Variants in EML6 observed in about 807,000 individuals in gnomAD.
EML6 encodes the protein echinoderm microtubule-associated protein-like 6.
In EML6, 154 loss-of-function variants were observed where a neutral mutation model predicts 240.1. The observed-to-expected ratio is 0.64, with a 90% CI of 0.56 to 0.73. The LOEUF (loss-of-function observed/expected upper bound fraction) is 0.73. Among genes scored for constraint, EML6 ranks in the 30% least tolerant of loss-of-function variants. The pLI is 0.00. For missense variants in EML6, 2,964 were observed against 2,474.6 expected, an observed-to-expected ratio of 1.20 and a Z score of -4.20; for synonymous variants, 1,148 against 899.0, an observed-to-expected ratio of 1.28 and a Z score of -4.95.
At chr2:54,803,858 C>A (rs73935224) in intron 2 of EML6, among the ~76,000 whole-genome samples, 1 of 152,206 alleles carries the variant, frequency 6.6e-6, no homozygotes, top group African/African-American at 2.4e-5. Flanking sequence ...TCACCTCTCC[C>A]TGTGGTGCTG....
intron 28 of EML6, among the ~76,000 whole-genome samples, chr2:54,945,728 G>T (rs1558713681): frequency 6.6e-6 from 1 of 152,244 alleles, no homozygotes; most frequent in Non-Finnish European, 1.5e-5. Context: ...GCCTTGGGGA[G>T]GGGGAAAGGA....
intron 28 of EML6, among the ~76,000 whole-genome samples, chr2:54,940,683 C>T (rs6749322): frequency 0.15 from 23,151 of 152,200 alleles, 2,469 homozygotes; most frequent in African/African-American, 0.29. Flanking sequence ...GGTCAGCGAC[C>T]ACTTTTACCT....
At position 54,971,161 on chromosome 2, in the gene EML6, A is replaced by G. The variant is rs961299767; in HGVS notation, c.*1066A>G. On this transcript the variant is annotated 3_prime_UTR_variant, in exon 42 of 42. Coordinates refer to ENST00000356458, the MANE Select transcript of EML6 (RefSeq NM_001039753.4). ...GGCGAACTATATAGGTCAAGTCCAG[A>G]TTATAAAAAAATTATCTGCAGAACA... The G allele has an allele frequency of 6.6e-6, 1 of 152,246 alleles. No individual in the cohort carries two copies. The highest frequency in any genetic ancestry group is 1.5e-5 in the Non-Finnish European group (1 of 68,042). The allele number at this position is 152,246 out of a possible 1,614,324, so 9.4% of individuals were successfully genotyped here.
chr2:54,862,152 C>T (rs1305019482), intron 12 of EML6, among the ~76,000 whole-genome samples: 1 of 151,630 alleles, frequency 6.6e-6, no homozygotes, highest in Non-Finnish European at 1.5e-5. Flanking sequence ...GCCTGGCCAA[C>T]ATGGTGAAAC....
intron 14 of EML6, chr2:54,868,909 C>T: frequency 2.5e-6 from 1 of 394,468 alleles, no homozygotes; most frequent in Non-Finnish European, 4.6e-6. Context: ...GATGTGTTCT[C>T]AGATGATCGT....
At chr2:54,846,923 ATT>A in intron 8 of EML6, among the ~76,000 whole-genome samples, 1 of 129,924 alleles carries the variant, frequency 7.7e-6, no homozygotes, top group South Asian at 2.8e-4. Context: ...ATGAAGTAGT[ATT>A]TTTTTTTTTT....
intron 16 of EML6, among the ~76,000 whole-genome samples, chr2:54,873,107 C>T (rs945631734): frequency 6.6e-6 from 1 of 152,200 alleles, no homozygotes; most frequent in African/African-American, 2.4e-5. Flanking sequence ...CTTTGTCTTG[C>T]CTTTCCCTAT....
In EML6 at chr2:54,914,608, A is replaced by G. The variant is rs1169723258; in HGVS notation, c.3499-2151A>G. On this transcript the variant is annotated intron_variant, in intron 25 of 41. Coordinates refer to ENST00000356458, the MANE Select transcript of EML6 (RefSeq NM_001039753.4). ...CTGTGGTGCACATTTGTTACTCCAG[A>G]GGCTGATTCCTGATGATGTTGGTTG... 6.6e-5 allele frequency among the ~76,000 whole-genome samples: 10 copies of G among 152,292 alleles called. 1 individual carries two copies. The East Asian group carries it at 1.9e-3, about 29-fold the overall frequency.
intron 2 of EML6, among the ~76,000 whole-genome samples, chr2:54,802,657 C>CTAG (rs1553381887): frequency 7.3e-4 from 109 of 148,762 alleles, no homozygotes; most frequent in African/African-American, 2.8e-3. Context: ...ACTACTACTA[C>CTAG]TACTACTACT....
intron 26 of EML6, among the ~76,000 whole-genome samples, chr2:54,923,774 A>T (rs1312855594): frequency 6.6e-6 from 1 of 152,174 alleles, no homozygotes; most frequent in Admixed American, 6.5e-5. Flanking sequence ...CTGCTTCCTC[A>T]TACTCCTTCT....
chr2:54,818,320 C>G (rs1478857590), intron 4 of EML6, among the ~76,000 whole-genome samples: 1 of 152,156 alleles, frequency 6.6e-6, no homozygotes, highest in Non-Finnish European at 1.5e-5. Flanking sequence ...TGGTAAGTCT[C>G]TACAAAATCA....
intron 28 of EML6, among the ~76,000 whole-genome samples, chr2:54,933,061 GTTC>G (rs916538589): frequency 6.6e-6 from 1 of 152,034 alleles, no homozygotes; most frequent in Non-Finnish European, 1.5e-5. Flanking sequence ...TCATATCTCA[GTTC>G]TTCTTCCTCT....
At chr2:54,815,460 C>A (rs552417420) in intron 3 of EML6, among the ~76,000 whole-genome samples, 55 of 152,298 alleles carry the variant, frequency 3.6e-4, no homozygotes, top group Non-Finnish European at 6.2e-4. Context: ...TGGGAACTGT[C>A]ACTACAGATG....
At chr2:54,791,631 C>T (rs1011392104) in intron 2 of EML6, among the ~76,000 whole-genome samples, 2 of 152,174 alleles carry the variant, frequency 1.3e-5, no homozygotes, top group African/African-American at 4.8e-5. Flanking sequence ...CACCGGTATC[C>T]CTTTTGTTCT....
At chr2:54,745,024 G>A (rs7565441) in intron 2 of EML6, among the ~76,000 whole-genome samples, 31,695 of 149,478 alleles carry the variant, frequency 0.21, 3,611 homozygotes, top group African/African-American at 0.28. Flanking sequence ...GGGGTGCGGA[G>A]AAGAGGGCCT....
intron 24 of EML6, among the ~76,000 whole-genome samples, chr2:54,904,863 G>C (rs1411041099): frequency 6.6e-6 from 1 of 152,164 alleles, no homozygotes; most frequent in Non-Finnish European, 1.5e-5. Context: ...GTATTTCTTG[G>C]AGTAGTGGCC....
intron 13 of EML6, 124 bp from the exon 14 acceptor site, chr2:54,866,642 A>C: frequency 2.0e-6 from 1 of 511,370 alleles, no homozygotes; most frequent in Non-Finnish European, 3.6e-6. Flanking sequence ...ATTCATTCTC[A>C]TGTCTTAAGT....
intron 28 of EML6, among the ~76,000 whole-genome samples, chr2:54,940,303 T>G (rs943128880): frequency 6.6e-6 from 1 of 152,232 alleles, no homozygotes; most frequent in African/African-American, 2.4e-5. Flanking sequence ...AAAAGAAAGT[T>G]CTATAAAGAA....
intron 5 of EML6, among the ~76,000 whole-genome samples, chr2:54,827,044 A>C (rs1173937880): frequency 6.6e-6 from 1 of 151,958 alleles, no homozygotes. Flanking sequence ...TTGGTGGTGC[A>C]CTCCTATAAT....
Sources: gnomAD v4.1 joint callset for allele counts (sites outside exome capture counted in the v4.1 genomes callset) on GRCh38, gnomAD v4.1.1 for gene constraint, MANE v1.5 for transcripts, NCBI Gene and HGNC (gene_info 2026-07-23, HGNC 2026-07-21) for gene names.